The following CRACD variants were observed in gnomAD, a reference collection of about 807,000 sequenced individuals.
The protein encoded by CRACD is capping protein inhibiting regulator of actin dynamics, also known as capping protein-inhibiting regulator of actin dynamics.
In CRACD, 56 loss-of-function variants were observed where a neutral mutation model predicts 106.8. The ratio of observed to expected loss-of-function variants is 0.52; its 90% CI spans 0.42 to 0.66. The LOEUF is 0.66. Ranked by LOEUF, CRACD falls within the 30% of genes least tolerant of loss-of-function variation. The pLI, the probability that CRACD is intolerant of heterozygous loss-of-function variation, is 0.00. For missense variants in CRACD, 1,730 were observed against 1,623.2 expected, an observed-to-expected ratio of 1.07 and a Z score of -1.13; for synonymous variants, 754 against 670.8, an observed-to-expected ratio of 1.12 and a Z score of -1.92.
intron 1 of CRACD, among the ~76,000 whole-genome samples, chr4:56,141,842 C>T (rs115633834): frequency 0.041 from 6,203 of 151,356 alleles, 172 homozygotes; most frequent in South Asian, 0.061. Flanking sequence ...TGCAGGCACG[C>T]GCCACCATGT....
chr4:56,280,573 G>A (rs554567278), intron 3 of CRACD, among the ~76,000 whole-genome samples: 2 of 152,284 alleles, frequency 1.3e-5, no homozygotes, highest in East Asian at 1.9e-4. Flanking sequence ...GCCATTCGTT[G>A]TATTTCCCGC....
intron 8 of CRACD, among the ~76,000 whole-genome samples, chr4:56,320,006 C>G (rs1408216527): frequency 1.3e-5 from 2 of 152,090 alleles, no homozygotes; most frequent in African/African-American, 2.4e-5. Flanking sequence ...AACCCTGTCT[C>G]TACTAAAAAT....
chr4:56,274,634 G>C (rs1248319668), intron 3 of CRACD, among the ~76,000 whole-genome samples: 2 of 152,006 alleles, frequency 1.3e-5, no homozygotes, highest in Non-Finnish European at 2.9e-5. Flanking sequence ...ATTGACTCTT[G>C]TCCACAAACC....
Position 56,318,808 on chromosome 4 carries a change from A to C in CRACD, c.3187+2119A>C, listed in dbSNP as rs990530901. Among the ~76,000 whole-genome samples, 6 of 152,336 alleles carry C rather than the reference A, an allele frequency of 3.9e-5. No individual in the cohort carries two copies. The South Asian group carries it at 6.2e-4, about 16-fold the overall frequency. ...ATCAGGATAAAAATGTTAGGCAAGGACCTGCAATTTATTTGTTGATTGTAT... is the reference window on the plus strand; with the variant it reads ...ATCAGGATAAAAATGTTAGGCAAGGCCCTGCAATTTATTTGTTGATTGTAT... On this transcript the variant is annotated intron_variant, in intron 8 of 10. Transcript: ENST00000682029.
intron 1 of CRACD, among the ~76,000 whole-genome samples, chr4:56,152,278 A>G (rs1735609545): frequency 1.3e-5 from 2 of 151,254 alleles, no homozygotes; most frequent in African/African-American, 4.9e-5. Context: ...CGGCCTCCCA[A>G]AGTGCTGGGA....
At chr4:56,096,111 A>G (rs1430195923) in intron 1 of CRACD, among the ~76,000 whole-genome samples, 1 of 152,158 alleles carries the variant, frequency 6.6e-6, no homozygotes, top group Non-Finnish European at 1.5e-5. Context: ...AGTTTTGGAC[A>G]TAGTAGGTAT....
At chr4:56,225,671 T>G (rs1448510747) in intron 2 of CRACD, among the ~76,000 whole-genome samples, 1 of 152,196 alleles carries the variant, frequency 6.6e-6, no homozygotes, top group African/African-American at 2.4e-5. Context: ...GCTTAATTAC[T>G]AGGCTTGATT....
intron 1 of CRACD, among the ~76,000 whole-genome samples, chr4:56,054,300 C>T (rs1302139049): frequency 1.3e-5 from 2 of 152,190 alleles, no homozygotes; most frequent in Non-Finnish European, 2.9e-5. Flanking sequence ...CCTAGCTCAG[C>T]CTCCTGAATA....
intron 3 of CRACD, among the ~76,000 whole-genome samples, chr4:56,273,381 C>T (rs1019373013): frequency 6.7e-6 from 1 of 149,818 alleles, no homozygotes; most frequent in Non-Finnish European, 1.5e-5. Flanking sequence ...CCTTCCCTCC[C>T]TCCTTTCTTC....
chr4:56,050,200 C>A (rs928767887), intron 1 of CRACD, among the ~76,000 whole-genome samples: 1 of 151,246 alleles, frequency 6.6e-6, no homozygotes, highest in Non-Finnish European at 1.5e-5. Context: ...CTAGTAAGTA[C>A]GACCATGTGT....
intron 1 of CRACD, among the ~76,000 whole-genome samples, chr4:56,092,727 C>T (rs1577957617): frequency 1.3e-5 from 2 of 151,924 alleles, no homozygotes; most frequent in South Asian, 2.1e-4. Context: ...TCAGTCTTCC[C>T]GGTAGCTGAG....
intron 2 of CRACD, among the ~76,000 whole-genome samples, chr4:56,230,767 C>G (rs1739573679): frequency 6.6e-6 from 1 of 152,166 alleles, no homozygotes; most frequent in Non-Finnish European, 1.5e-5. Context: ...TATTTGCAAG[C>G]AAGTGGACTA....
rs977200994 is a variant in CRACD at position 56,330,287 on chromosome 4, T to A, written c.*2483T>A. On this transcript the variant is annotated 3_prime_UTR_variant, in exon 11 of 11. Transcript: ENST00000682029. ...AGACTTATATATAAAACTAGAGGGTTTTTTGTTTACTTTTTTAATTTTTCA... is the reference window on the plus strand; with the variant it reads ...AGACTTATATATAAAACTAGAGGGTATTTTGTTTACTTTTTTAATTTTTCA... Among the ~76,000 whole-genome samples the A allele has an allele frequency of 1.3e-5, 2 of 152,100 alleles. No homozygotes were observed. The highest frequency in any genetic ancestry group is 2.9e-5 in the Non-Finnish European group (2 of 68,020).
chr4:56,281,901 T>C (rs577573759), intron 3 of CRACD, among the ~76,000 whole-genome samples: 1 of 152,306 alleles, frequency 6.6e-6, no homozygotes, highest in East Asian at 1.9e-4. Context: ...TTCCAAACTT[T>C]CCTCCTCTTC....
intron 2 of CRACD, among the ~76,000 whole-genome samples, chr4:56,227,244 A>G (rs184753179): frequency 8.5e-5 from 13 of 152,312 alleles, no homozygotes; most frequent in Admixed American, 7.2e-4. Flanking sequence ...TGACTATTAT[A>G]TAAAGAACTC....
intron 1 of CRACD, among the ~76,000 whole-genome samples, chr4:56,152,013 C>CCT (rs1553905454): frequency 7.3e-6 from 1 of 137,822 alleles, no homozygotes; most frequent in Non-Finnish European, 1.6e-5. Context: ...ATAGTTTTTT[C>CCT]TTTTTTTTTT....
chr4:56,302,811 C>T (rs991610410), intron 4 of CRACD, among the ~76,000 whole-genome samples: 1 of 152,114 alleles, frequency 6.6e-6, no homozygotes, highest in Non-Finnish European at 1.5e-5. Flanking sequence ...ATGGTGTGCT[C>T]GGCATTTCCA....
chr4:56,101,758 CTCA>C (rs1733781344), intron 1 of CRACD, among the ~76,000 whole-genome samples: 1 of 79,122 alleles, frequency 1.3e-5, no homozygotes. Flanking sequence ...GCAAGACTGT[CTCA>C]AAAAAAAAAA....
intron 1 of CRACD, among the ~76,000 whole-genome samples, chr4:56,102,325 G>A (rs970739828): frequency 2.0e-5 from 3 of 152,128 alleles, no homozygotes; most frequent in East Asian, 3.9e-4. Flanking sequence ...TAACTACTTG[G>A]GTTTTTTAAA....
Sources: gnomAD v4.1 joint callset for allele counts (sites outside exome capture counted in the v4.1 genomes callset) on GRCh38, gnomAD v4.1.1 for gene constraint, MANE v1.5 for transcripts, NCBI Gene and HGNC (gene_info 2026-07-23, HGNC 2026-07-21) for gene names.